The following EPHA5 variants were observed in gnomAD, a reference collection of about 807,000 sequenced individuals.
The protein encoded by EPHA5 is ephrin type-A receptor 5.
EPHA5 carries 60 observed loss-of-function variants against 105.0 expected under a neutral mutation model. The ratio of observed to expected loss-of-function variants is 0.57; its 90% CI spans 0.46 to 0.71. EPHA5 has a LOEUF of 0.71. Among genes scored for constraint, EPHA5 ranks in the 30% least tolerant of loss-of-function variants. The probability of loss-of-function intolerance (pLI) is 0.00; values close to 1 mark genes in which losing one functional copy is unlikely to be tolerated. For missense variants in EPHA5, 1,218 were observed against 1,274.7 expected (o/e 0.96, Z 0.68); for synonymous variants, 513 against 449.1 (o/e 1.14, Z -1.80).
intron 15 of EPHA5, among the ~76,000 whole-genome samples, chr4:65,332,386 A>G (rs1163156943): frequency 6.6e-6 from 1 of 151,880 alleles, no homozygotes; most frequent in Non-Finnish European, 1.5e-5. Context: ...TATGTAAAAC[A>G]AAACAATAGC....
intron 3 of EPHA5, among the ~76,000 whole-genome samples, chr4:65,563,756 T>C (rs1739258756): frequency 6.6e-6 from 1 of 152,046 alleles, no homozygotes; most frequent in Admixed American, 6.6e-5. Flanking sequence ...AATTTCTAAC[T>C]GGAGGAAAAT....
chr4:65,547,967 A>G (rs528300832), intron 3 of EPHA5, among the ~76,000 whole-genome samples: 2 of 151,980 alleles, frequency 1.3e-5, no homozygotes, highest in Non-Finnish European at 2.9e-5. Context: ...CCTGAATCAA[A>G]AGAAAACATT....
At chr4:65,529,214 A>C (rs540443601) in intron 3 of EPHA5, among the ~76,000 whole-genome samples, 1 of 152,288 alleles carries the variant, frequency 6.6e-6, no homozygotes, top group South Asian at 2.1e-4. Flanking sequence ...GAATACAAGC[A>C]CATTTGCAAA....
In EPHA5 at chr4:65,348,027, G is replaced by T. The variant is rs559672513; in HGVS notation, c.2595+27C>A. 2.3e-5 allele frequency: 36 copies of T among 1,544,572 alleles called. No individual in the cohort carries two copies. In the Middle Eastern group the frequency reaches 1.0e-3, roughly 45 times the overall value. On this transcript the variant is annotated intron_variant, in intron 14 of 16. Transcript: ENST00000613740. ...AGAGAACAAAGCATTTCATTGTCAAGTTGGGAAAGAGTAGTTCCATACTCA... is the reference window on the plus strand; with the variant it reads ...AGAGAACAAAGCATTTCATTGTCAATTTGGGAAAGAGTAGTTCCATACTCA...
At chr4:65,636,691 C>A (rs1185382011) in intron 2 of EPHA5, among the ~76,000 whole-genome samples, 2 of 152,082 alleles carry the variant, frequency 1.3e-5, no homozygotes, top group East Asian at 3.9e-4. Context: ...CGTGCTCTTC[C>A]CAGGTGTGTC....
At chr4:65,326,470 C>T (rs1720091626) in intron 16 of EPHA5, among the ~76,000 whole-genome samples, 1 of 151,520 alleles carries the variant, frequency 6.6e-6, no homozygotes, top group East Asian at 1.9e-4. Flanking sequence ...GAATGAAACA[C>T]ATACTTTGCC....
At chr4:65,630,745 G>C (rs756131171) in intron 2 of EPHA5, among the ~76,000 whole-genome samples, 1 of 152,094 alleles carries the variant, frequency 6.6e-6, no homozygotes, top group African/African-American at 2.4e-5. Context: ...CAGATTCGCC[G>C]CTGGTAACAG....
chr4:65,360,823 C>T (rs540516842), intron 11 of EPHA5, among the ~76,000 whole-genome samples: 1 of 151,338 alleles, frequency 6.6e-6, no homozygotes, highest in Admixed American at 6.6e-5. Flanking sequence ...ATTTTAATTT[C>T]TTTCTTTTTT....
chr4:65,471,765 A>C (rs2149163110), intron 5 of EPHA5, among the ~76,000 whole-genome samples: 1 of 152,278 alleles, frequency 6.6e-6, no homozygotes, highest in East Asian at 1.9e-4. Flanking sequence ...AACTGCCCCC[A>C]TGATCCAATC....
intron 3 of EPHA5, among the ~76,000 whole-genome samples, chr4:65,601,041 G>A (rs1233349285): frequency 2.0e-5 from 3 of 151,986 alleles, no homozygotes; most frequent in Non-Finnish European, 2.9e-5. Flanking sequence ...TATTTTTGTG[G>A]GGCACTGCTT....
At chr4:65,604,639 T>C (rs1744049724) in intron 2 of EPHA5, among the ~76,000 whole-genome samples, 1 of 152,082 alleles carries the variant, frequency 6.6e-6, no homozygotes, top group Admixed American at 6.6e-5. Flanking sequence ...AGGCTGGCTC[T>C]CTGAAATAAA....
chr4:65,380,572 T>A (rs754659243), intron 8 of EPHA5, among the ~76,000 whole-genome samples: 1 of 151,638 alleles, frequency 6.6e-6, no homozygotes, highest in Non-Finnish European at 1.5e-5. Context: ...TAGAATTGGA[T>A]AATAAAAACA....
At chr4:65,507,918 C>CT (rs1733224714) in intron 3 of EPHA5, among the ~76,000 whole-genome samples, 1 of 150,982 alleles carries the variant, frequency 6.6e-6, no homozygotes, top group Non-Finnish European at 1.5e-5. Flanking sequence ...TTAATAGATA[C>CT]CCAAATTCCC....
chr4:65,443,017 CTA>C (rs1560541058), intron 5 of EPHA5, among the ~76,000 whole-genome samples: 3 of 152,086 alleles, frequency 2.0e-5, no homozygotes, highest in African/African-American at 4.8e-5. Flanking sequence ...TTTGAACAAA[CTA>C]TATATTCTCC....
At chr4:65,564,443 T>G (rs1262823383) in intron 3 of EPHA5, among the ~76,000 whole-genome samples, 1 of 151,804 alleles carries the variant, frequency 6.6e-6, no homozygotes, top group Non-Finnish European at 1.5e-5. Flanking sequence ...ATGGTTTTGG[T>G]TTTTGTGAAT....
At chr4:65,398,909 G>T (rs573172175) in intron 8 of EPHA5, among the ~76,000 whole-genome samples, 1 of 152,276 alleles carries the variant, frequency 6.6e-6, no homozygotes, top group Non-Finnish European at 1.5e-5. Context: ...TCATTCTACA[G>T]TTGTCCATGT....
intron 16 of EPHA5, among the ~76,000 whole-genome samples, chr4:65,330,128 T>C (rs1463618752): frequency 6.6e-6 from 1 of 151,388 alleles, no homozygotes; most frequent in Non-Finnish European, 1.5e-5. Context: ...CAATACTTTC[T>C]GAATGGGAAA....
chr4:65,595,989 T>C (rs1743141554), intron 3 of EPHA5, among the ~76,000 whole-genome samples: 1 of 152,184 alleles, frequency 6.6e-6, no homozygotes. Flanking sequence ...AATAAGACTA[T>C]ATTAATTTTT....
At chr4:65,532,478 TG>T (rs1337468770) in intron 3 of EPHA5, among the ~76,000 whole-genome samples, 3 of 152,024 alleles carry the variant, frequency 2.0e-5, no homozygotes, top group Admixed American at 6.5e-5. Flanking sequence ...ACCAATCCTA[TG>T]TAGCTTTACA....
Sources: allele counts gnomAD v4.1 joint callset (sites outside exome capture counted in the v4.1 genomes callset), GRCh38; gene constraint gnomAD v4.1.1; transcripts MANE v1.5; gene names NCBI Gene and HGNC (gene_info 2026-07-23, HGNC 2026-07-21).